Variants in ATP2A2 observed in about 807,000 individuals in gnomAD.
ATP2A2 encodes sarcoplasmic/endoplasmic reticulum calcium ATPase 2.
In ATP2A2, 14 loss-of-function variants were observed where a neutral mutation model predicts 109.3. The observed-to-expected ratio is 0.13, with a 90% confidence interval of 0.08 to 0.20. The LOEUF is 0.20. Ranked by LOEUF, ATP2A2 falls within the 10% of genes least tolerant of loss-of-function variation. The pLI, the probability that ATP2A2 is intolerant of heterozygous loss-of-function variation, is 1.00. For missense variants in ATP2A2, 657 were observed against 1,321.6 expected (o/e 0.50, Z 7.80); for synonymous variants, 506 against 490.9 (o/e 1.03, Z -0.41).
At chr12:110,336,596 C>T (rs1878864418) in intron 11 of ATP2A2, among the ~76,000 whole-genome samples, 1 of 152,188 alleles carries the variant, frequency 6.6e-6, no homozygotes, top group African/African-American at 2.4e-5. Context: ...CAGTTAGGGA[C>T]ACCTAGCCCT....
At chr12:110,302,987 G>A (rs1486276208) in intron 5 of ATP2A2, among the ~76,000 whole-genome samples, 1 of 152,148 alleles carries the variant, frequency 6.6e-6, no homozygotes, top group Non-Finnish European at 1.5e-5. Flanking sequence ...TTTTAACTGA[G>A]TAATGCAGAA....
chr12:110,282,016 T>C, intron 1 of ATP2A2, 109 bp downstream of exon 1: 1 of 844,164 alleles, frequency 1.2e-6, no homozygotes, highest in Non-Finnish European at 1.7e-6. Context: ...CGCCGACAGC[T>C]GCGGGCGGAG....
chr12:110,328,125 G>A, intron 8 of ATP2A2, 108 bp downstream of exon 8: 1 of 1,127,626 alleles, frequency 8.9e-7, no homozygotes, highest in South Asian at 1.3e-5. Flanking sequence ...CATTTCTGTG[G>A]GCTGTATGTA....
chr12:110,311,551 G>A (rs183118030), intron 5 of ATP2A2, among the ~76,000 whole-genome samples: 4,177 of 130,596 alleles, frequency 0.032, 79 homozygotes, highest in Middle Eastern at 0.11. Flanking sequence ...AGCCAAGATC[G>A]CGCCACTGCA....
chr12:110,291,887 A>G, intron 3 of ATP2A2, 133 bp from the exon 4 acceptor site: 1 of 775,050 alleles, frequency 1.3e-6, no homozygotes, highest in Non-Finnish European at 2.3e-6. Context: ...ACCTCAGGTG[A>G]TCGCCTGCCT....
At position 110,347,023 on chromosome 12, in the gene ATP2A2, C is replaced by CA; in HGVS notation, c.*554dup. 2 of 1,085,918 alleles carry CA rather than the reference C, an allele frequency of 1.8e-6. No individual in the cohort carries two copies. Among genetic ancestry groups the CA allele is most frequent in the Admixed American group, 4.9e-5 (1 of 20,320 alleles). The allele number at this position is 1,085,918 out of a possible 1,614,324, so 67.3% of individuals were successfully genotyped here. A position where few individuals can be genotyped will look rare whatever the true frequency, so the allele number is the denominator to read the frequency against. ...CACCCACTTTGGCCTCCGTTCACCC[C>CA]ACCCCACCCCACCTCTCCCCACCTT... On this transcript the variant is annotated 3_prime_UTR_variant, in exon 20 of 20. Coordinates refer to ENST00000539276, the MANE Select transcript of ATP2A2 (RefSeq NM_170665.4).
At chr12:110,299,135 C>T (rs1413800204) in intron 5 of ATP2A2, among the ~76,000 whole-genome samples, 1 of 152,000 alleles carries the variant, frequency 6.6e-6, no homozygotes, top group Non-Finnish European at 1.5e-5. Flanking sequence ...AAGCTCCTAG[C>T]TAAGTTTTGT....
intron 5 of ATP2A2, 26 bp from the exon 6 acceptor site, chr12:110,322,966 A>G (rs1566225888): frequency 6.4e-7 from 1 of 1,558,792 alleles, no homozygotes; most frequent in Non-Finnish European, 8.9e-7. Flanking sequence ...TGCTCATTTC[A>G]GCCGCCTTTT....
intron 8 of ATP2A2, among the ~76,000 whole-genome samples, chr12:110,328,397 C>T (rs1335790257): frequency 6.6e-6 from 1 of 152,014 alleles, no homozygotes; most frequent in African/African-American, 2.4e-5. Context: ...ATGGTGAAAC[C>T]CTGTCTCTAC....
intron 4 of ATP2A2, among the ~76,000 whole-genome samples, chr12:110,293,378 T>TG (rs1873545770): frequency 2.4e-5 from 3 of 122,670 alleles, no homozygotes; most frequent in African/African-American, 3.4e-5. Context: ...TTTTTTTTTT[T>TG]TTTTTTTTTT....
At chr12:110,332,502 T>C (rs546301495) in intron 8 of ATP2A2, 95 bp from the exon 9 acceptor site, 1 of 1,041,022 alleles carries the variant, frequency 9.6e-7, no homozygotes, top group Admixed American at 1.7e-5. Context: ...TGAAAGAGGT[T>C]GTTTGCCTTT....
In ATP2A2 at chr12:110,346,181, A is replaced by G; in HGVS notation, c.2860-20A>G. 1.9e-6 allele frequency: 3 copies of G among 1,614,018 alleles called. No homozygotes were observed. Among genetic ancestry groups the G allele is most frequent in the Non-Finnish European group, 2.5e-6 (3 of 1,180,030 alleles). Reference sequence around the variant, plus strand: ...TTCCAGGGGAGGCTGGAGGCGTGACACGTCTTCCCTGTGTGTCAGCTCATC... The same window carrying G: ...TTCCAGGGGAGGCTGGAGGCGTGACGCGTCTTCCCTGTGTGTCAGCTCATC... On this transcript the variant is annotated intron_variant, in intron 19 of 19. Coordinates refer to ENST00000539276, the MANE Select transcript of ATP2A2 (RefSeq NM_170665.4).
At chr12:110,293,316 CCTCGG>C (rs1873528284) in intron 4 of ATP2A2, among the ~76,000 whole-genome samples, 1 of 151,832 alleles carries the variant, frequency 6.6e-6, no homozygotes, top group South Asian at 2.1e-4. Context: ...GATCCACCCA[CCTCGG>C]CCTCCCAAAG....
At chr12:110,320,368 C>T (rs902439463) in intron 5 of ATP2A2, among the ~76,000 whole-genome samples, 3 of 152,210 alleles carry the variant, frequency 2.0e-5, no homozygotes, top group South Asian at 2.1e-4. Flanking sequence ...CAGAAGTCTT[C>T]TACTCCATAG....
chr12:110,332,760 CA>C (rs1878471725), intron 9 of ATP2A2, 75 bp downstream of exon 9: 9 of 1,295,274 alleles, frequency 6.9e-6, no homozygotes, highest in Non-Finnish European at 1.0e-5. Flanking sequence ...AGCATGTCTA[CA>C]AAGTTAAGAC....
At chr12:110,316,379 C>G (rs747855755) in intron 5 of ATP2A2, among the ~76,000 whole-genome samples, 1 of 152,148 alleles carries the variant, frequency 6.6e-6, no homozygotes, top group Non-Finnish European at 1.5e-5. Flanking sequence ...TTAGTCTAAA[C>G]GTAGAATTTA....
Position 110,329,238 on chromosome 12 carries a change from C to G in ATP2A2, c.1095+1221C>G, listed in dbSNP as rs189044837. Among the ~76,000 whole-genome samples, 53 of 152,144 alleles carry G rather than the reference C, an allele frequency of 3.5e-4. 1 individual carries two copies. The highest frequency in any genetic ancestry group is 1.3e-3 in the African/African-American group (52 of 41,526). ...ACTGTGTTGTTTAGGGATAGTTAAC[C>G]TGTGTTGTTTAGGGAATAATGACAA... On this transcript the variant is annotated intron_variant, in intron 8 of 19. Transcript: ENST00000539276.
At chr12:110,309,810 G>A (rs1456109196) in intron 5 of ATP2A2, among the ~76,000 whole-genome samples, 2 of 151,994 alleles carry the variant, frequency 1.3e-5, no homozygotes, top group Non-Finnish European at 1.5e-5. Context: ...AAAAGCTGAG[G>A]TGGGAGGATC....
rs924545500 is a variant in ATP2A2 at position 110,309,563 on chromosome 12, A to G, written c.463+12826A>G. ...TGTGAGTCTTAAGTATCTAGAACAC[A>G]AGAGCCAAATGAAATTGATATGGCA... On this transcript the variant is annotated intron_variant, in intron 5 of 19. Coordinates refer to ENST00000539276, the MANE Select transcript of ATP2A2 (RefSeq NM_170665.4). 4.6e-5 allele frequency among the ~76,000 whole-genome samples: 7 copies of G among 152,284 alleles called. No homozygotes were observed. The South Asian group carries it at 1.4e-3, about 32-fold the overall frequency.
Sources: gnomAD v4.1 joint callset for allele counts (sites outside exome capture counted in the v4.1 genomes callset) on GRCh38, gnomAD v4.1.1 for gene constraint, MANE v1.5 for transcripts, NCBI Gene and HGNC (gene_info 2026-07-23, HGNC 2026-07-21) for gene names.